The following CHORDC1 variants were observed in gnomAD, a reference collection of about 807,000 sequenced individuals.
CHORDC1 encodes the protein cysteine and histidine rich domain containing 1, also known as cysteine and histidine-rich domain-containing protein 1.
Under a neutral mutation model 48.3 loss-of-function variants are expected in CHORDC1, and 25 were observed. The ratio of observed to expected loss-of-function variants is 0.52; its 90% CI spans 0.38 to 0.72. CHORDC1 has a LOEUF of 0.72. CHORDC1 is among the 30% of genes least tolerant of loss of function. The pLI, the probability that CHORDC1 is intolerant of heterozygous loss-of-function variation, is 0.00. For synonymous variants in CHORDC1, 128 were observed against 126.4 expected, an observed-to-expected ratio of 1.01 and a Z score of -0.09; for missense variants, 317 against 388.7, an observed-to-expected ratio of 0.82 and a Z score of 1.55.
At chr11:90,219,283 A>G (rs1858102963) in intron 1 of CHORDC1, among the ~76,000 whole-genome samples, 1 of 152,068 alleles carries the variant, frequency 6.6e-6, no homozygotes, top group Non-Finnish European at 1.5e-5. Context: ...AAACAAAAAA[A>G]ACTCTCAAGT....
intron 4 of CHORDC1, 110 bp from the exon 5 acceptor site, chr11:90,211,428 A>C (rs1018708149): frequency 4.7e-5 from 33 of 709,008 alleles, no homozygotes; most frequent in Non-Finnish European, 7.5e-5. Flanking sequence ...TTTGTGTATC[A>C]AATGATTCCC....
intron 6 of CHORDC1, 129 bp downstream of exon 6, chr11:90,210,407 C>T (rs780768375): frequency 1.6e-6 from 1 of 642,680 alleles, no homozygotes; most frequent in African/African-American, 1.9e-5. Context: ...TGATTGTAGC[C>T]CTAGTCCCCA....
chr11:90,206,317 A>T, intron 6 of CHORDC1, 45 bp from the exon 7 acceptor site: 1 of 1,031,438 alleles, frequency 9.7e-7, no homozygotes, highest in Non-Finnish European at 1.5e-6. Context: ...CGTATCTTAC[A>T]GTTACATCTC....
At chr11:90,222,352 C>G (rs1278704257) in intron 1 of CHORDC1, among the ~76,000 whole-genome samples, 1 of 152,194 alleles carries the variant, frequency 6.6e-6, no homozygotes, top group African/African-American at 2.4e-5. Context: ...AGAGTAATGT[C>G]CCTTACCAAG....
intron 1 of CHORDC1, chr11:90,222,502 G>A (rs906420675): frequency 1.0e-5 from 4 of 398,550 alleles, no homozygotes; most frequent in Non-Finnish European, 1.9e-5. Context: ...CACTACTTCG[G>A]GAACTACAAA....
chr11:90,217,223 A>T (rs1281615978), intron 2 of CHORDC1, among the ~76,000 whole-genome samples: 1 of 152,222 alleles, frequency 6.6e-6, no homozygotes, highest in Admixed American at 6.5e-5. Flanking sequence ...TTTGGAAGGT[A>T]TAATTAGACA....
intron 3 of CHORDC1, 45 bp downstream of exon 3, chr11:90,215,129 A>T: frequency 9.0e-7 from 1 of 1,110,470 alleles, no homozygotes; most frequent in Non-Finnish European, 1.3e-6. Flanking sequence ...TTTCTATAAC[A>T]TGTATTTTTA....
Position 90,210,583 on chromosome 11 carries a change from C to T in CHORDC1, c.445G>A (p.Asp149Asn), listed in dbSNP as rs1361636075. ...NEENKKEEDN[D>N]EIKIGTSCKN... is the part of the protein sequence containing the mutation. ...CATGAGGTCCCAATCTTAATTTCAT[C>T]ATTGTCTTCTTCTGTAACAAAGAAA... Residue 149 changes from aspartate (D) to asparagine (N), a missense_variant, in exon 6 of 11, where the codon GAT (aspartate) becomes AAT (asparagine). Physicochemically the swap from Asp to Asn is conservative, Grantham distance 23 (BLOSUM62 1). Coordinates refer to ENST00000320585, the MANE Select transcript of CHORDC1 (RefSeq NM_012124.3). 1.3e-6 allele frequency: 2 copies of T among 1,579,902 alleles called. No homozygotes were observed. The highest frequency in any genetic ancestry group is 1.3e-5 in the African/African-American group (1 of 74,172).
intron 1 of CHORDC1, chr11:90,222,440 C>T: frequency 2.8e-6 from 1 of 361,160 alleles, no homozygotes; most frequent in Non-Finnish European, 5.4e-6. Context: ...GCTAGGACAA[C>T]CCGCTGCTCA....
chr11:90,219,109 T>G (rs377384333), intron 1 of CHORDC1, among the ~76,000 whole-genome samples: 1 of 151,862 alleles, frequency 6.6e-6, no homozygotes, highest in African/African-American at 2.4e-5. Context: ...CTACTAAAAA[T>G]ACAAAAATTA....
chr11:90,221,251 C>T (rs974047499), intron 1 of CHORDC1, among the ~76,000 whole-genome samples: 1 of 152,158 alleles, frequency 6.6e-6, no homozygotes, highest in Non-Finnish European at 1.5e-5. Flanking sequence ...CCTAACCAAC[C>T]TTTCTATTTA....
chr11:90,218,936 C>T (rs1858089241), intron 1 of CHORDC1, among the ~76,000 whole-genome samples: 1 of 147,094 alleles, frequency 6.8e-6, no homozygotes, highest in African/African-American at 2.5e-5. Context: ...GCATTTTCAA[C>T]ATTAAAGTTT....
rs114812038 is a variant in CHORDC1, at chr11:90,218,758, G to A, written c.65-574C>T. On this transcript the variant is annotated intron_variant, in intron 1 of 10. Transcript: ENST00000320585. Reference sequence around the variant, plus strand: ...GCCTGGCCCCTGCCCTGTTTGGGAAGTGAGGAGCTCCTCTGCCCTGCCCCC... The same window carrying A: ...GCCTGGCCCCTGCCCTGTTTGGGAAATGAGGAGCTCCTCTGCCCTGCCCCC... Among the ~76,000 whole-genome samples the A allele has an allele frequency of 4.2e-3, 637 of 152,196 alleles. 2 individuals carry two copies. The highest frequency in any genetic ancestry group is 0.015 in the African/African-American group (609 of 41,524).
intron 9 of CHORDC1, 120 bp downstream of exon 9, chr11:90,203,188 G>A (rs1469424416): frequency 6.4e-6 from 6 of 943,462 alleles, no homozygotes; most frequent in Non-Finnish European, 9.2e-6. Flanking sequence ...TTTTTAATGG[G>A]AGTCATTATA....
intron 2 of CHORDC1, among the ~76,000 whole-genome samples, chr11:90,217,050 A>G (rs1312002690): frequency 6.6e-6 from 1 of 152,198 alleles, no homozygotes; most frequent in Non-Finnish European, 1.5e-5. Context: ...TTCCACCACA[A>G]CAAAGATTTG....
At chr11:90,215,138 T>C in intron 3 of CHORDC1, 36 bp downstream of exon 3, 1 of 1,196,148 alleles carries the variant, frequency 8.4e-7, no homozygotes, top group Non-Finnish European at 1.2e-6. Flanking sequence ...CATGTATTTT[T>C]AGGAAGATAA....
At chr11:90,205,925 T>C (rs1438323744) in intron 7 of CHORDC1, 1 of 471,818 alleles carries the variant, frequency 2.1e-6, no homozygotes, top group Non-Finnish European at 3.8e-6. Context: ...ACAAAACATT[T>C]AGCCCAAATA....
chr11:90,209,270 T>A (rs1430693087), intron 6 of CHORDC1: 1 of 152,186 alleles, frequency 6.6e-6, no homozygotes, highest in Non-Finnish European at 1.5e-5. Flanking sequence ...GTTAATGGTG[T>A]CACCAATCAC....
At position 90,202,813 on chromosome 11, in the gene CHORDC1, A is replaced by G. The variant is rs746135817; in HGVS notation, c.852T>C (p.Gly284=). The G allele has an allele frequency of 1.3e-6, 2 of 1,595,040 alleles. No individual in the cohort carries two copies. The highest frequency in any genetic ancestry group is 2.3e-5 in the South Asian group (2 of 87,106). ...ATTCTTATAAATTTGTAATACTTAC[A>G]CCCCATAATTTCACATTTTGATCAA... ...KEFDQNVKLW[G]VIDVKRSYVT... is the part of the protein sequence containing the mutation. Residue 284 remains glycine (G), a splice_region_variant and synonymous_variant, in exon 10 of 11, where the codon GGT becomes GGC. Coordinates refer to ENST00000320585, the MANE Select transcript of CHORDC1 (RefSeq NM_012124.3).
Sources: allele counts gnomAD v4.1 joint callset (sites outside exome capture counted in the v4.1 genomes callset), GRCh38; gene constraint gnomAD v4.1.1; transcripts MANE v1.5; gene names NCBI Gene and HGNC (gene_info 2026-07-23, HGNC 2026-07-21).